Variants in TNRC6A observed in about 807,000 individuals in gnomAD.
TNRC6A encodes trinucleotide repeat-containing gene 6A protein.
TNRC6A carries 44 observed loss-of-function variants against 221.2 expected under a neutral mutation model. That is an observed-to-expected ratio of 0.20 (90% CI 0.16 to 0.26). TNRC6A has a LOEUF of 0.26. Among genes scored for constraint, TNRC6A ranks in the 10% least tolerant of loss-of-function variants. The pLI, the probability that TNRC6A is intolerant of heterozygous loss-of-function variation, is 1.00. For synonymous variants in TNRC6A, 847 were observed against 838.5 expected (o/e 1.01, Z -0.18); for missense variants, 2,199 against 2,404.4 (o/e 0.91, Z 1.79).
intron 2 of TNRC6A, among the ~76,000 whole-genome samples, chr16:24,707,276 A>G (rs2056113956): frequency 6.6e-6 from 1 of 151,986 alleles, no homozygotes; most frequent in Non-Finnish European, 1.5e-5. Flanking sequence ...GATTACAGGC[A>G]TGTGCCACCG....
At chr16:24,696,730 A>AAGAAG (rs796776618) in intron 2 of TNRC6A, among the ~76,000 whole-genome samples, 2 of 141,938 alleles carry the variant, frequency 1.4e-5, no homozygotes, top group African/African-American at 5.4e-5. Flanking sequence ...CCCTGTCTCA[A>AAGAAG]AAAAAAAAAA....
At chr16:24,791,910 T>C (rs1055608409) in intron 6 of TNRC6A, 93 bp downstream of exon 6, 1 of 1,312,540 alleles carries the variant, frequency 7.6e-7, no homozygotes, top group Non-Finnish European at 1.0e-6. Flanking sequence ...ACACAAAGGC[T>C]GTTCTTACTG....
intron 21 of TNRC6A, among the ~76,000 whole-genome samples, chr16:24,819,431 TCTTC>T (rs1249693194): frequency 6.6e-6 from 1 of 152,116 alleles, no homozygotes. Flanking sequence ...TCTTTTTCTT[TCTTC>T]CTTCCTTTCC....
intron 2 of TNRC6A, among the ~76,000 whole-genome samples, chr16:24,653,540 C>A (rs1171445411): frequency 6.6e-6 from 1 of 152,194 alleles, no homozygotes; most frequent in African/African-American, 2.4e-5. Flanking sequence ...CTTTGGGAGG[C>A]TGAGGCGGGC....
At position 24,730,261 on chromosome 16, in the gene TNRC6A, A is replaced by G; in HGVS notation, c.14A>G (p.Glu5Gly). Residue 5 changes from glutamate to glycine, a missense_variant, in exon 2 of 25, where the codon GAA (glutamate) becomes GGA (glycine). Around this residue, in one of 8 missense-constraint regions of TNRC6A, gnomAD observed 1,405 missense variants for 1,400.2 expected, o/e 1.00. Transcript: ENST00000395799. MREL[E>G]AKATKDVERN... ...TTGTTTTTTTGTTTCAGAGAATTGG[A>G]AGCTAAAGCTACCAAAGACGTAGAA... The G allele has an allele frequency of 6.2e-7, 1 of 1,602,326 alleles. No homozygotes were observed. The highest frequency in any genetic ancestry group is 1.7e-5 in the Admixed American group (1 of 58,082).
chr16:24,663,031 A>T (rs1003688281), intron 2 of TNRC6A: 1 of 153,738 alleles, frequency 6.5e-6, no homozygotes, highest in African/African-American at 2.4e-5. Context: ...AGGATATGAG[A>T]TCACAAATGA....
chr16:24,773,811 G>A (rs1170294246), intron 4 of TNRC6A, among the ~76,000 whole-genome samples: 1 of 149,052 alleles, frequency 6.7e-6, no homozygotes, highest in East Asian at 2.0e-4. Context: ...TATCAATATT[G>A]TTTTCATTTT....
intron 1 of TNRC6A, among the ~76,000 whole-genome samples, chr16:24,634,975 G>T (rs902500897): frequency 6.6e-6 from 1 of 151,940 alleles, no homozygotes; most frequent in Non-Finnish European, 1.5e-5. Flanking sequence ...TTTTGTTGTT[G>T]TTGAGACAGG....
At chr16:24,802,111 T>TA (rs1265569519) in intron 11 of TNRC6A, among the ~76,000 whole-genome samples, 1 of 152,252 alleles carries the variant, frequency 6.6e-6, no homozygotes. Flanking sequence ...CTTTTCCACT[T>TA]ACCTGGAATG....
chr16:24,820,902 T>TA (rs1270895498), intron 22 of TNRC6A, among the ~76,000 whole-genome samples: 2 of 152,166 alleles, frequency 1.3e-5, no homozygotes, highest in African/African-American at 2.4e-5. Context: ...ACACCATACA[T>TA]ATACACACAC....
rs763308409 is a variant in TNRC6A, at chr16:24,791,288, G to T, written c.2646G>T (p.Arg882Ser). The change falls in exon 6 of 25, where the codon AGG (arginine) becomes AGT (serine). Residue 882 changes from arginine to serine, a missense_variant. By Grantham distance (110) the Arg-to-Ser change is moderately radical (BLOSUM62 -1). This residue lies in a region of TNRC6A where 1,405 missense variants were observed against 1,400.2 expected (regional missense o/e 1.00). Transcript: ENST00000395799. ...KSSSGGSDSDRSVSGWNELGK... is the reference protein window; with the variant it reads ...KSSSGGSDSDSSVSGWNELGK... Reference sequence around the variant, plus strand: ...GCTCAGGAGGTAGTGACAGTGACAGGTCCGTTTCCGGTTGGAACGAACTTG... The same window carrying T: ...GCTCAGGAGGTAGTGACAGTGACAGTTCCGTTTCCGGTTGGAACGAACTTG... 1.9e-6 allele frequency: 3 copies of T among 1,613,238 alleles called. No homozygotes were observed. Among genetic ancestry groups the T allele is most frequent in the Admixed American group, 3.3e-5 (2 of 59,926 alleles).
At chr16:24,676,625 T>C (rs966411010) in intron 2 of TNRC6A, among the ~76,000 whole-genome samples, 3 of 152,178 alleles carry the variant, frequency 2.0e-5, no homozygotes, top group Non-Finnish European at 4.4e-5. Context: ...TGGCTAATTT[T>C]TTATTTTTTG....
In TNRC6A at chr16:24,823,206, T is replaced by G. The variant is rs530607672; in HGVS notation, c.5513+193T>G. Among the ~76,000 whole-genome samples, 112 of 152,324 alleles carry G rather than the reference T, an allele frequency of 7.4e-4. 1 individual carries two copies. The highest frequency in any genetic ancestry group is 2.5e-3 in the African/African-American group (103 of 41,578). On this transcript the variant is annotated intron_variant, in intron 24 of 24. Coordinates refer to ENST00000395799, the MANE Select transcript of TNRC6A (RefSeq NM_014494.4). The surrounding 1 kb of genome is among the most constrained non-coding windows in gnomAD (Gnocchi z 4.3). ...GATGGCCCTAGAAAGTCCCTTACGT[T>G]GCCCATGGCAGACAGAGGAAGTTCG...
intron 5 of TNRC6A, among the ~76,000 whole-genome samples, chr16:24,784,102 A>G (rs1309756437): frequency 1.3e-5 from 2 of 152,010 alleles, no homozygotes; most frequent in Non-Finnish European, 2.9e-5. Flanking sequence ...CCTGGGTTCA[A>G]ATGATTCTCC....
chr16:24,734,032 G>A (rs1017295865), intron 2 of TNRC6A, among the ~76,000 whole-genome samples: 1 of 152,158 alleles, frequency 6.6e-6, no homozygotes, highest in African/African-American at 2.4e-5. Context: ...AAAATTAGCT[G>A]GGTGTGGTGG....
intron 1 of TNRC6A, among the ~76,000 whole-genome samples, chr16:24,617,771 G>A (rs1484326801): frequency 2.0e-5 from 3 of 152,190 alleles, no homozygotes; most frequent in South Asian, 2.1e-4. Flanking sequence ...CTTCAGCTAC[G>A]CCTGCTGAGA....
chr16:24,821,954 A>T, intron 22 of TNRC6A, 123 bp from the exon 23 acceptor site: 1 of 902,086 alleles, frequency 1.1e-6, no homozygotes, highest in Non-Finnish European at 1.8e-6. Flanking sequence ...CCTAGGGAGA[A>T]AGCCTCCCAT....
rs1237803382 is a variant in TNRC6A at position 24,640,653 on chromosome 16, C to T, written n.277-231C>T. Among the ~76,000 whole-genome samples, 10 of 148,230 alleles carry T rather than the reference C, an allele frequency of 6.7e-5. No homozygotes were observed. In the Admixed American group the frequency reaches 6.8e-4, roughly 10 times the overall value. ...CTGTGGCAGGAGGATCGCCTGAGCC[C>T]GGGAGGCGGAAGTTGCAGTGAACCA... On this transcript the variant is annotated intron_variant and non_coding_transcript_variant, in intron 1 of 2. Coordinates refer to the TNRC6A transcript ENST00000566108.
intron 2 of TNRC6A, among the ~76,000 whole-genome samples, chr16:24,696,235 C>A (rs1443855330): frequency 6.6e-6 from 1 of 151,670 alleles, no homozygotes; most frequent in Admixed American, 6.6e-5. Flanking sequence ...GTAGTCCCAG[C>A]TACTCGGGAG....
Sources: gnomAD v4.1 joint callset for allele counts (sites outside exome capture counted in the v4.1 genomes callset) on GRCh38, gnomAD v4.1.1 for gene constraint, gnomAD v4.1.1 regional missense constraint, Gnocchi (gnomAD v3.1) non-coding constraint, MANE v1.5 for transcripts, NCBI Gene and HGNC (gene_info 2026-07-23, HGNC 2026-07-21) for gene names.